SAFB2: variants seen among roughly 807,000 people sequenced by gnomAD.
SAFB2 encodes scaffold attachment factor B2.
A neutral mutation model predicts 100.6 loss-of-function variants in SAFB2; 32 were observed. The ratio of observed to expected loss-of-function variants is 0.32; its 90% CI spans 0.24 to 0.43. The LOEUF (loss-of-function observed/expected upper bound fraction) is 0.43, where lower values mean the gene tolerates loss of function less well. SAFB2 is among the 20% of genes least tolerant of loss of function. The pLI is 1.00. For missense variants in SAFB2, 1,185 were observed against 1,163.4 expected, an observed-to-expected ratio of 1.02 and a Z score of -0.27; for synonymous variants, 500 against 439.4, an observed-to-expected ratio of 1.14 and a Z score of -1.72.
At chr19:5,610,606 C>A in intron 8 of SAFB2, 33 bp downstream of exon 8, 1 of 1,494,644 alleles carries the variant, frequency 6.7e-7, no homozygotes, top group South Asian at 1.2e-5. Context: ...GGGAACCATA[C>A]CTGGCTCCCT....
chr19:5,597,512 A>G (rs1290747421), intron 13 of SAFB2, among the ~76,000 whole-genome samples: 2 of 152,230 alleles, frequency 1.3e-5, no homozygotes, highest in Admixed American at 6.5e-5. Context: ...CCTCCAAGGC[A>G]TATTACACAG....
intron 10 of SAFB2, 35 bp downstream of exon 10, chr19:5,604,752 C>T: frequency 1.2e-6 from 2 of 1,613,748 alleles, no homozygotes; most frequent in Non-Finnish European, 1.7e-6. Flanking sequence ...TTGCAAACTC[C>T]ATTTGCGAGT....
At position 5,600,233 on chromosome 19, in the gene SAFB2, A is replaced by G. The variant is rs960386078; in HGVS notation, c.1587T>C (p.Ile529=). The change falls in exon 12 of 21, where the codon ATT becomes ATC. Residue 529 remains isoleucine (I), a synonymous_variant. Coordinates refer to ENST00000252542, the MANE Select transcript of SAFB2 (RefSeq NM_014649.3). ...EKTVIKKEEK[I]EKKEEKKPED... Reference sequence around the variant, plus strand: ...CAGGCTTTTTTTCCTCCTTCTTCTCAATCTTCTCTTCCTTCTTAATTACAG... The same window carrying G: ...CAGGCTTTTTTTCCTCCTTCTTCTCGATCTTCTCTTCCTTCTTAATTACAG... 1 of 1,612,110 alleles carries G rather than the reference A, an allele frequency of 6.2e-7. No homozygotes were observed. The highest frequency in any genetic ancestry group is 1.1e-5 in the South Asian group (1 of 90,924).
chr19:5,616,154 G>C lies in SAFB2; in HGVS notation c.521C>G (p.Pro174Arg), dbSNP rs779603451. 6.2e-7 allele frequency: 1 copy of C among 1,614,052 alleles called. No homozygotes were observed. The highest frequency in any genetic ancestry group is 1.3e-5 in the African/African-American group (1 of 74,938). The part of the protein sequence containing the change: ...EYVAAQLRQL[P>R]AQPPEHAVDG... ...TACAGCATGCTCTGGGGGCTGAGCC[G>C]GGAGCTGTCTCAGCTGTGCAGCCAC... Residue 174 changes from proline (P) to arginine (R), a missense_variant, in exon 4 of 21, where the codon CCG becomes CGG. Pro to Arg is a moderately radical substitution (Grantham distance 103). This residue lies in a region of SAFB2 where 351 missense variants were observed against 341.2 expected (regional missense o/e 1.03). Transcript: ENST00000252542.
At chr19:5,597,989 G>T (rs2052567429) in intron 13 of SAFB2, among the ~76,000 whole-genome samples, 1 of 151,826 alleles carries the variant, frequency 6.6e-6, no homozygotes, top group African/African-American at 2.4e-5. Flanking sequence ...AATTAGCCTG[G>T]TGTGGTGATG....
intron 11 of SAFB2, among the ~76,000 whole-genome samples, chr19:5,602,917 A>G (rs1230558618): frequency 4.0e-5 from 3 of 75,134 alleles, no homozygotes; most frequent in Admixed American, 1.4e-4. Flanking sequence ...CGCCCCCCCC[A>G]CCCCCCTCCT....
chr19:5,609,978 G>C lies in SAFB2; in HGVS notation c.1296+17C>G. 1 of 1,601,532 alleles carries C rather than the reference G, an allele frequency of 6.2e-7. No individual in the cohort carries two copies. The highest frequency in any genetic ancestry group is 8.6e-7 in the Non-Finnish European group (1 of 1,169,362). On this transcript the variant is annotated intron_variant, in intron 9 of 20. Coordinates refer to ENST00000252542, the MANE Select transcript of SAFB2 (RefSeq NM_014649.3). ...CTCTGAATCACAGTGGATGGTATGA[G>C]GCAAGGGAAGGCATACCTTCCCATA... is the stretch of plus-strand genomic sequence containing the variant.
At chr19:5,621,162 A>G (rs2053132586) in intron 2 of SAFB2, 147 bp downstream of exon 2, 1 of 661,546 alleles carries the variant, frequency 1.5e-6, no homozygotes, top group African/African-American at 1.8e-5. Context: ...GCTACCTGTT[A>G]GGTGGTGACG....
At chr19:5,621,492 C>T (rs1031673159) in intron 1 of SAFB2, 96 bp from the exon 2 acceptor site, 2 of 857,422 alleles carry the variant, frequency 2.3e-6, no homozygotes, top group Non-Finnish European at 3.9e-6. Context: ...AAAGGCAAAC[C>T]CGTCCTTGCA....
At chr19:5,610,207 CTGACT>C (rs946846951) in intron 8 of SAFB2, 112 bp from the exon 9 acceptor site, 315 of 806,774 alleles carry the variant, frequency 3.9e-4, no homozygotes, top group Non-Finnish European at 1.9e-4. Flanking sequence ...ATCCCAACTG[CTGACT>C]TAAGAATTTA....
chr19:5,591,655 T>C, intron 17 of SAFB2, 93 bp downstream of exon 17: 1 of 1,295,114 alleles, frequency 7.7e-7, no homozygotes, highest in Middle Eastern at 1.9e-4. Context: ...TTGCCACCTC[T>C]CTGGGATCAA....
chr19:5,598,151 A>T (rs1238303125), intron 13 of SAFB2, among the ~76,000 whole-genome samples: 3 of 152,002 alleles, frequency 2.0e-5, no homozygotes, highest in African/African-American at 7.2e-5. Flanking sequence ...AAAAAAAAAA[A>T]AAAGTTAAGT....
At chr19:5,609,955 C>A in intron 9 of SAFB2, 40 bp downstream of exon 9, 4 of 1,560,602 alleles carry the variant, frequency 2.6e-6, no homozygotes, top group Non-Finnish European at 2.6e-6. Context: ...CTTTTTAACT[C>A]TGAATCACAG....
chr19:5,600,762 C>T (rs1030922890), intron 11 of SAFB2, among the ~76,000 whole-genome samples: 29 of 152,154 alleles, frequency 1.9e-4, no homozygotes, highest in Admixed American at 6.5e-5. Flanking sequence ...ACCCCTCGAC[C>T]GGTAACTGCT....
At chr19:5,606,812 G>A (rs1422971247) in intron 9 of SAFB2, among the ~76,000 whole-genome samples, 1 of 152,100 alleles carries the variant, frequency 6.6e-6, no homozygotes, top group African/African-American at 2.4e-5. Flanking sequence ...AAACAAGAAC[G>A]TATCACCAGC....
In SAFB2 at chr19:5,600,177, T is replaced by C. The variant is rs1194627966; in HGVS notation, c.1643A>G (p.Asp548Gly). Residue 548 changes from aspartate (D) to glycine (G), a missense_variant, in exon 12 of 21, where the codon GAT becomes GGT. Physicochemically the swap from Asp to Gly is moderately conservative, Grantham distance 94. This residue lies in a region of SAFB2 where 740 missense variants were observed against 687.1 expected (regional missense o/e 1.08). Coordinates refer to ENST00000252542, the MANE Select transcript of SAFB2 (RefSeq NM_014649.3). ...ATTTGTAGGTCCGGGTTTCAGCTCA[T>C]CCTGGTCTTTTTCTTCCTTCTTAAT... ...EDIKKEEKDQ[D>G]ELKPGPTNRS... 3 of 1,614,184 alleles carry C rather than the reference T, an allele frequency of 1.9e-6. No homozygotes were observed. The highest frequency in any genetic ancestry group is 1.7e-6 in the Non-Finnish European group (2 of 1,180,026).
At chr19:5,610,419 G>A (rs957054805) in intron 8 of SAFB2, 21 of 596,052 alleles carry the variant, frequency 3.5e-5, no homozygotes, top group Non-Finnish European at 5.1e-5. Flanking sequence ...TTCTTGTAAT[G>A]TGCTTTTCAC....
chr19:5,611,948 C>A, intron 6 of SAFB2: 1 of 478,960 alleles, frequency 2.1e-6, no homozygotes, highest in Non-Finnish European at 3.8e-6. Flanking sequence ...TTTCCAATGT[C>A]CAAGGTGCTG....
chr19:5,622,470 G>A (rs2053185955), intron 1 of SAFB2, 60 bp downstream of exon 1: 1 of 1,433,376 alleles, frequency 7.0e-7, no homozygotes, highest in Non-Finnish European at 9.2e-7. Flanking sequence ...CGCGGTGACA[G>A]GTGCAGGCGG....
Sources: gnomAD v4.1 joint callset for allele counts (sites outside exome capture counted in the v4.1 genomes callset) on GRCh38, gnomAD v4.1.1 for gene constraint, gnomAD v4.1.1 regional missense constraint, MANE v1.5 for transcripts, NCBI Gene and HGNC (gene_info 2026-07-23, HGNC 2026-07-21) for gene names.